The following SNRPB variants were observed in gnomAD, a reference collection of about 807,000 sequenced individuals.
The protein encoded by SNRPB is small nuclear ribonucleoprotein polypeptides B and B1.
In SNRPB, 5 loss-of-function variants were observed where a neutral mutation model predicts 26.6. The observed-to-expected ratio is 0.19, with a 90% CI of 0.10 to 0.39. The LOEUF (loss-of-function observed/expected upper bound fraction) is 0.39, where lower values mean the gene tolerates loss of function less well. Ranked by LOEUF, SNRPB falls within the 10% of genes least tolerant of loss-of-function variation. SNRPB has a pLI of 1.00. For synonymous variants in SNRPB, 122 were observed against 105.8 expected (o/e 1.15, Z -0.94); for missense variants, 211 against 311.9 (o/e 0.68, Z 2.44).
chr20:2,467,779 G>T lies in SNRPB; in HGVS notation c.4-21C>A, dbSNP rs1211939299. 3 of 1,611,218 alleles carry T rather than the reference G, an allele frequency of 1.9e-6. No homozygotes were observed. In the African/African-American group the frequency reaches 4.0e-5, roughly 21 times the overall value. ...ACCGTCTGCAAGGAGAAATGGACAG[G>T]GATGAGACTCTGCTCTTTTGGACCC... On this transcript the variant is annotated intron_variant, in intron 1 of 6. Coordinates refer to ENST00000381342, the MANE Select transcript of SNRPB (RefSeq NM_003091.4).
chr20:2,465,777 G>C lies in SNRPB; in HGVS notation c.198C>G (p.Val66=). The C allele has an allele frequency of 6.2e-7, 1 of 1,613,640 alleles. No homozygotes were observed. The highest frequency in any genetic ancestry group is 8.5e-7 in the Non-Finnish European group (1 of 1,179,966). Reference sequence around the variant, plus strand: ...CCCCTCGCAGCAGCACCAGACCGAGGACTCGCTTCTCTTCCCTTTCTGCTT... The same window carrying C: ...CCCCTCGCAGCAGCACCAGACCGAGCACTCGCTTCTCTTCCCTTTCTGCTT... ...SKQAEREEKR[V]LGLVLLRGEN... is the part of the protein sequence containing the mutation. Residue 66 remains valine (V), a synonymous_variant, in exon 3 of 7, where the codon GTC becomes GTG. Coordinates refer to ENST00000381342, the MANE Select transcript of SNRPB (RefSeq NM_003091.4).
intron 5 of SNRPB, 47 bp from the exon 6 acceptor site, chr20:2,462,808 AAAG>A (rs1400360304): frequency 6.8e-7 from 1 of 1,468,498 alleles, no homozygotes; most frequent in East Asian, 2.3e-5. Context: ...TCTATCTTGA[AAAG>A]GTAGCAAAAA....
chr20:2,467,335 G>T, intron 2 of SNRPB: 1 of 557,502 alleles, frequency 1.8e-6, no homozygotes, highest in Non-Finnish European at 3.4e-6. Flanking sequence ...GAACATGAGA[G>T]CCCTTTACCC....
chr20:2,469,460 G>C (rs904124910), intron 1 of SNRPB, among the ~76,000 whole-genome samples: 11 of 152,204 alleles, frequency 7.2e-5, no homozygotes, highest in African/African-American at 2.7e-4. Context: ...GGGAGGCCAA[G>C]GTGGGTGGAT....
At chr20:2,469,709 A>C (rs534322054) in intron 1 of SNRPB, among the ~76,000 whole-genome samples, 2 of 152,212 alleles carry the variant, frequency 1.3e-5, no homozygotes, top group Admixed American at 6.5e-5. Context: ...AATAAAAATA[A>C]ATTAAATTAA....
At chr20:2,465,963 T>C (rs2085070733) in intron 2 of SNRPB, 144 bp from the exon 3 acceptor site, 1 of 636,552 alleles carries the variant, frequency 1.6e-6, no homozygotes, top group Admixed American at 2.6e-5. Flanking sequence ...GGATAGTCTC[T>C]ACAGGCTGAA....
At position 2,463,136 on chromosome 20, in the gene SNRPB, C is replaced by G; in HGVS notation, c.512G>C (p.Gly171Ala). The part of the protein sequence containing the change: ...IAGAPTQYPP[G>A]RGGPPPPMGR... ...CATAGGTGGGGGAGGACCCCCACGG[C>G]CAGGTGGGTACTGGGTTGGAGCCCC... Residue 171 changes from glycine (G) to alanine (A), a missense_variant, in exon 5 of 7, where the codon GGC becomes GCC. By Grantham distance (60) the Gly-to-Ala change is moderately conservative (BLOSUM62 0). Transcript: ENST00000381342. This position sits in a 1 kb window ranked among gnomAD's most constrained non-coding sequence, Gnocchi z 5.0. 6.2e-7 allele frequency: 1 copy of G among 1,608,396 alleles called. No homozygotes were observed. The highest frequency in any genetic ancestry group is 8.5e-7 in the Non-Finnish European group (1 of 1,176,804).
chr20:2,464,005 A>G, intron 3 of SNRPB, 106 bp from the exon 4 acceptor site: 2 of 941,708 alleles, frequency 2.1e-6, no homozygotes, highest in Non-Finnish European at 3.4e-6. Context: ...TATAAATACT[A>G]TCGAAATAGC....
At position 2,468,108 on chromosome 20, in the gene SNRPB, GAT is replaced by G. The variant is rs60005993; in HGVS notation, c.4-352_4-351del. Among the ~76,000 whole-genome samples the G allele has an allele frequency of 9.2e-3, 1,405 of 152,296 alleles. 27 individuals carry two copies. The highest frequency in any genetic ancestry group is 0.032 in the African/African-American group (1,343 of 41,544). On this transcript the variant is annotated intron_variant, in intron 1 of 6. Coordinates refer to ENST00000381342, the MANE Select transcript of SNRPB (RefSeq NM_003091.4). ...GCCATCTACCAGTGTGCAGATTATA[GAT>G]ATGTGACTCAAGTGCTATGGAACAT...
At position 2,463,881 on chromosome 20, in the gene SNRPB, G is replaced by T. The variant is rs2122486472; in HGVS notation, c.286C>A (p.Pro96Thr). ...GGGCCCCCGGCAGCTCCAGCAAGTGGAACTCGAGCAATACCAGTCTGAAAA... is the reference window on the plus strand; with the variant it reads ...GGGCCCCCGGCAGCTCCAGCAAGTGTAACTCGAGCAATACCAGTCTGAAAA... ...PPKDTGIARVPLAGAAGGPGI... is the reference protein window; with the variant it reads ...PPKDTGIARVTLAGAAGGPGI... The change falls in exon 4 of 7, where the codon CCA becomes ACA. Residue 96 changes from proline (P) to threonine (T), a missense_variant. Physicochemically the swap from Pro to Thr is conservative, Grantham distance 38. Transcript: ENST00000381342. This position sits in a 1 kb window ranked among gnomAD's most constrained non-coding sequence, Gnocchi z 5.0. The T allele has an allele frequency of 6.2e-7, 1 of 1,613,366 alleles. No individual in the cohort carries two copies. Among genetic ancestry groups the T allele is most frequent in the Non-Finnish European group, 8.5e-7 (1 of 1,179,654 alleles).
chr20:2,463,006 C>A lies in SNRPB; in HGVS notation c.559+83G>T. On this transcript the variant is annotated intron_variant, in intron 5 of 6. Transcript: ENST00000381342. This position sits in a 1 kb window ranked among gnomAD's most constrained non-coding sequence, Gnocchi z 5.0. ...CTTAATTATACAAACTCATCATCAG[C>A]TTCAGTCAAGGTTATATCTCATCAT... The A allele has an allele frequency of 7.8e-7, 1 of 1,275,518 alleles. No homozygotes were observed. The highest frequency in any genetic ancestry group is 1.1e-6 in the Non-Finnish European group (1 of 917,350). 79.0% of individuals were successfully genotyped at this position (1,275,518 alleles called of 1,614,324 possible).
chr20:2,466,494 C>A (rs951903902), intron 2 of SNRPB, among the ~76,000 whole-genome samples: 4 of 151,892 alleles, frequency 2.6e-5, no homozygotes, highest in African/African-American at 4.8e-5. Flanking sequence ...AAAGCTAGAT[C>A]CTAAAAATAA....
At chr20:2,466,357 A>G (rs1483212254) in intron 2 of SNRPB, among the ~76,000 whole-genome samples, 1 of 152,264 alleles carries the variant, frequency 6.6e-6, no homozygotes, top group Admixed American at 6.5e-5. Context: ...TTGAAATTTC[A>G]TATCTGTTCC....
rs1224983828 is a variant in SNRPB, at chr20:2,462,766, A to C, written c.560-5T>G. 6.5e-7 allele frequency: 1 copy of C among 1,528,874 alleles called. No individual in the cohort carries two copies. Among genetic ancestry groups the C allele is most frequent in the Non-Finnish European group, 8.8e-7 (1 of 1,141,328 alleles). The allele number at this position is 1,528,874 out of a possible 1,614,324, so 94.7% of individuals were successfully genotyped here. ...CAGGAGGTGGGCCCATCATGCCTGC[A>C]AGAGAAAAGCCCCAAGAATATAGCT... On this transcript the variant is annotated splice_polypyrimidine_tract_variant and splice_region_variant and intron_variant, in intron 5 of 6. Transcript: ENST00000381342.
rs973649391 is a variant in SNRPB, at chr20:2,463,408, C to T, written c.421-181G>A. ...TCGGGAAAGATCAAGCTTGAATGCC[C>T]AACTCCCATCTTCTAGACCTGAATG... On this transcript the variant is annotated intron_variant, in intron 4 of 6. Coordinates refer to ENST00000381342, the MANE Select transcript of SNRPB (RefSeq NM_003091.4). This position sits in a 1 kb window ranked among gnomAD's most constrained non-coding sequence, Gnocchi z 5.0. 6.6e-6 allele frequency among the ~76,000 whole-genome samples: 1 copy of T among 152,214 alleles called. No homozygotes were observed. Among genetic ancestry groups the T allele is most frequent in the Admixed American group, 6.5e-5 (1 of 15,288 alleles).
intron 2 of SNRPB, among the ~76,000 whole-genome samples, chr20:2,466,231 T>C (rs1215923477): frequency 6.6e-6 from 1 of 152,222 alleles, no homozygotes; most frequent in Non-Finnish European, 1.5e-5. Context: ...TTACGTGCAG[T>C]GTCCTTCTAA....
chr20:2,463,725 T>C lies in SNRPB; in HGVS notation c.420+22A>G. The C allele has an allele frequency of 2.6e-6, 4 of 1,544,672 alleles. No individual in the cohort carries two copies. Among genetic ancestry groups the C allele is most frequent in the Non-Finnish European group, 1.7e-6 (2 of 1,146,616 alleles). ...CTTTATTTTAGCCACCAGGAGGTGGTACCCTTTCCCCAACTCCTCACCTGT... is the reference window on the plus strand; with the variant it reads ...CTTTATTTTAGCCACCAGGAGGTGGCACCCTTTCCCCAACTCCTCACCTGT... On this transcript the variant is annotated intron_variant, in intron 4 of 6. Coordinates refer to ENST00000381342, the MANE Select transcript of SNRPB (RefSeq NM_003091.4). This position sits in a 1 kb window ranked among gnomAD's most constrained non-coding sequence, Gnocchi z 5.0.
At position 2,461,835 on chromosome 20, in the gene SNRPB, A is replaced by G; in HGVS notation, c.*94T>C. 1.2e-6 allele frequency: 2 copies of G among 1,614,056 alleles called. No individual in the cohort carries two copies. The highest frequency in any genetic ancestry group is 1.7e-6 in the Non-Finnish European group (2 of 1,179,920). ...ACAATCCCATGAGACTCCACGAACA[A>G]CAGCATAAGAAACAAACAGGTCTGT... On this transcript the variant is annotated 3_prime_UTR_variant, in exon 7 of 7. Transcript: ENST00000381342.
chr20:2,466,685 T>C (rs1381741271), intron 2 of SNRPB, among the ~76,000 whole-genome samples: 1 of 152,082 alleles, frequency 6.6e-6, no homozygotes, highest in Non-Finnish European at 1.5e-5. Flanking sequence ...CCCTTCGGGG[T>C]ATTTTAGTTT....
Sources: gnomAD v4.1 joint callset for allele counts (sites outside exome capture counted in the v4.1 genomes callset) on GRCh38, gnomAD v4.1.1 for gene constraint, Gnocchi (gnomAD v3.1) non-coding constraint, MANE v1.5 for transcripts, NCBI Gene and HGNC (gene_info 2026-07-23, HGNC 2026-07-21) for gene names.